The following CLOCK variants were observed in gnomAD, a reference collection of about 807,000 sequenced individuals.
CLOCK encodes clock circadian regulator, also known as circadian locomoter output cycles protein kaput.
Under a neutral mutation model 118.4 loss-of-function variants are expected in CLOCK, and 43 were observed. The ratio of observed to expected loss-of-function variants is 0.36; its 90% CI spans 0.28 to 0.47. CLOCK has a LOEUF of 0.47. Among genes scored for constraint, CLOCK ranks in the 20% least tolerant of loss-of-function variants. The probability of loss-of-function intolerance (pLI) is 1.00; values close to 1 mark genes in which losing one functional copy is unlikely to be tolerated. For missense variants in CLOCK, 846 were observed against 999.9 expected (o/e 0.85, Z 2.08); for synonymous variants, 326 against 339.2 (o/e 0.96, Z 0.43).
intron 21 of CLOCK, among the ~76,000 whole-genome samples, chr4:55,440,988 C>G (rs12505880): frequency 6.9e-6 from 1 of 144,660 alleles, no homozygotes; most frequent in East Asian, 2.0e-4. Context: ...AAACAAAACA[C>G]AACACAACAA....
At chr4:55,442,320 A>T (rs1723434337) in intron 21 of CLOCK, 112 bp downstream of exon 21, 4 of 853,158 alleles carry the variant, frequency 4.7e-6, no homozygotes, top group Admixed American at 4.0e-5. Flanking sequence ...CATTGGCTGC[A>T]GTGAGCATCT....
chr4:55,479,094 T>A, intron 5 of CLOCK, 131 bp from the exon 6 acceptor site: 1 of 732,530 alleles, frequency 1.4e-6, no homozygotes, highest in Non-Finnish European at 2.1e-6. Flanking sequence ...ATCTTCCAGG[T>A]TACCAATATA....
chr4:55,459,396 T>C, intron 9 of CLOCK, 135 bp from the exon 10 acceptor site: 2 of 662,420 alleles, frequency 3.0e-6, no homozygotes, highest in Non-Finnish European at 5.4e-6. Context: ...TCAATGACAT[T>C]TAGTTCATAA....
chr4:55,517,093 C>T (rs1238154442), intron 1 of CLOCK, among the ~76,000 whole-genome samples: 2 of 152,128 alleles, frequency 1.3e-5, no homozygotes, highest in Admixed American at 6.5e-5. Context: ...TTATTTTGGA[C>T]AAACCATCAG....
At chr4:55,503,467 G>C (rs1728566368) in intron 2 of CLOCK, among the ~76,000 whole-genome samples, 1 of 152,104 alleles carries the variant, frequency 6.6e-6, no homozygotes, top group Admixed American at 6.5e-5. Context: ...CATGAAGGAG[G>C]CTCCTGGGTT....
intron 1 of CLOCK, among the ~76,000 whole-genome samples, chr4:55,512,976 G>A (rs1350629330): frequency 6.6e-6 from 1 of 152,118 alleles, no homozygotes; most frequent in Non-Finnish European, 1.5e-5. Context: ...TGACTTTATA[G>A]CTGTTGTAGC....
chr4:55,476,426 A>G (rs1016011428), intron 6 of CLOCK, among the ~76,000 whole-genome samples: 3 of 152,132 alleles, frequency 2.0e-5, no homozygotes, highest in African/African-American at 7.2e-5. Context: ...TTCAAATAGC[A>G]ATGTCTAGAG....
chr4:55,478,360 C>A (rs1314018170), intron 6 of CLOCK, among the ~76,000 whole-genome samples: 2 of 152,068 alleles, frequency 1.3e-5, no homozygotes, highest in African/African-American at 4.8e-5. Context: ...AATTTTCCAA[C>A]ACAAACATGC....
At chr4:55,486,395 G>A (rs1367210787) in intron 3 of CLOCK, 1 of 152,152 alleles carries the variant, frequency 6.6e-6, no homozygotes, top group Admixed American at 6.5e-5. Flanking sequence ...CTACTAACCT[G>A]AGGACAAGCT....
At chr4:55,481,407 T>TCATA (rs1233028015) in intron 4 of CLOCK, among the ~76,000 whole-genome samples, 2 of 152,212 alleles carry the variant, frequency 1.3e-5, no homozygotes, top group African/African-American at 4.8e-5. Flanking sequence ...TCCCTAGGTG[T>TCATA]CATACTATCT....
At chr4:55,481,147 C>CACA (rs1726905424) in intron 4 of CLOCK, among the ~76,000 whole-genome samples, 1 of 152,078 alleles carries the variant, frequency 6.6e-6, no homozygotes, top group Non-Finnish European at 1.5e-5. Context: ...CTCCTTTAGC[C>CACA]ACACCTTTCT....
intron 2 of CLOCK, among the ~76,000 whole-genome samples, chr4:55,496,226 A>C (rs1447062797): frequency 6.6e-6 from 1 of 151,946 alleles, no homozygotes; most frequent in Non-Finnish European, 1.5e-5. Context: ...AAAACAAAAA[A>C]ACTGACAATA....
intron 8 of CLOCK, among the ~76,000 whole-genome samples, chr4:55,468,441 A>G (rs1725885376): frequency 6.6e-6 from 1 of 152,212 alleles, no homozygotes; most frequent in Non-Finnish European, 1.5e-5. Flanking sequence ...ATTAGAAAAA[A>G]AGTAAGCACA....
chr4:55,529,855 T>C (rs1730425279), intron 1 of CLOCK, among the ~76,000 whole-genome samples: 1 of 152,210 alleles, frequency 6.6e-6, no homozygotes, highest in African/African-American at 2.4e-5. Flanking sequence ...TCTCTTGAAA[T>C]GATACCAGCA....
intron 2 of CLOCK, among the ~76,000 whole-genome samples, chr4:55,495,247 G>C (rs1727983035): frequency 6.6e-6 from 1 of 152,054 alleles, no homozygotes; most frequent in Admixed American, 6.5e-5. Context: ...CTTTCGCAGT[G>C]TCTTCTGGAA....
In CLOCK at chr4:55,435,071, A is replaced by G. The variant is rs751339273; in HGVS notation, c.*344T>C. The G allele has an allele frequency of 2.9e-6, 1 of 342,624 alleles. No individual in the cohort carries two copies. The highest frequency in any genetic ancestry group is 5.7e-6 in the Non-Finnish European group (1 of 175,294). The allele number at this position is 342,624 out of a possible 1,614,324, so 21.2% of individuals were successfully genotyped here. A position where few individuals can be genotyped will look rare whatever the true frequency, so the allele number is the denominator to read the frequency against. On this transcript the variant is annotated 3_prime_UTR_variant, in exon 23 of 23. Transcript: ENST00000513440. ...TGATAAGAGGCACAGAACCACTAAA[A>G]GTTACTAACATCATTAGTGCCTTTC...
chr4:55,523,526 C>T (rs1936010620), intron 1 of CLOCK, among the ~76,000 whole-genome samples: 1 of 152,054 alleles, frequency 6.6e-6, no homozygotes, highest in Admixed American at 6.6e-5. Flanking sequence ...AAACATATCA[C>T]AACCAAATTT....
intron 3 of CLOCK, among the ~76,000 whole-genome samples, chr4:55,485,009 G>A (rs144077620): frequency 0.022 from 3,392 of 152,096 alleles, 113 homozygotes; most frequent in African/African-American, 0.077. Flanking sequence ...TGTGGCCCAG[G>A]CTGGAGTGCA....
rs183856678 is a variant in CLOCK at position 55,507,775 on chromosome 4, G to A, written c.-136+2137C>T. On this transcript the variant is annotated intron_variant, in intron 2 of 22. Coordinates refer to ENST00000513440, the MANE Select transcript of CLOCK (RefSeq NM_004898.4). ...CATAGACATAACAGTTATTGGAACT[G>A]GCACATACCTTGTTCTTTCACTGGA... is the stretch of plus-strand genomic sequence containing the variant. Among the ~76,000 whole-genome samples the A allele has an allele frequency of 6.2e-4, 95 of 152,230 alleles. 1 individual carries two copies. The highest frequency in any genetic ancestry group is 1.2e-3 in the Admixed American group (18 of 15,280).
Sources: gnomAD v4.1 joint callset for allele counts (sites outside exome capture counted in the v4.1 genomes callset) on GRCh38, gnomAD v4.1.1 for gene constraint, MANE v1.5 for transcripts, NCBI Gene and HGNC (gene_info 2026-07-23, HGNC 2026-07-21) for gene names.